TRAPPC9: variants seen among roughly 807,000 people sequenced by gnomAD.
TRAPPC9 encodes the protein trafficking protein particle complex subunit 9, also known as IKK2 binding protein.
In TRAPPC9, 83 loss-of-function variants were observed where a neutral mutation model predicts 124.0. That is an observed-to-expected ratio of 0.67 (90% CI 0.56 to 0.80). TRAPPC9 has a LOEUF of 0.80. TRAPPC9 is among the 30% of genes least tolerant of loss of function. The probability of loss-of-function intolerance (pLI) is 0.00; values close to 1 mark genes in which losing one functional copy is unlikely to be tolerated. For missense variants in TRAPPC9, 1,302 were observed against 1,508.3 expected, an observed-to-expected ratio of 0.86 and a Z score of 2.27; for synonymous variants, 638 against 617.5, an observed-to-expected ratio of 1.03 and a Z score of -0.49.
At chr8:140,061,064 T>C (rs564662631) in intron 17 of TRAPPC9, among the ~76,000 whole-genome samples, 4 of 152,366 alleles carry the variant, frequency 2.6e-5, no homozygotes, top group South Asian at 2.1e-4. Context: ...CAGTCTGACA[T>C]GGGGCCTGCA....
chr8:139,878,631 C>T (rs533527060), intron 21 of TRAPPC9, among the ~76,000 whole-genome samples: 38 of 152,296 alleles, frequency 2.5e-4, no homozygotes, highest in African/African-American at 8.7e-4. Context: ...AAAGACCTCA[C>T]GCCTGGCCCA....
intron 5 of TRAPPC9, among the ~76,000 whole-genome samples, chr8:140,420,752 G>C (rs992978931): frequency 1.3e-5 from 2 of 151,964 alleles, no homozygotes; most frequent in Admixed American, 1.3e-4. Flanking sequence ...TTATAAATAA[G>C]AGTATATTTA....
intron 16 of TRAPPC9, among the ~76,000 whole-genome samples, chr8:140,250,098 G>A (rs116126891): frequency 0.012 from 1,886 of 152,146 alleles, 26 homozygotes; most frequent in African/African-American, 0.042. Context: ...GATCATGCAC[G>A]GCATTTGATT....
chr8:139,998,166 A>T (rs1289947692), intron 18 of TRAPPC9, among the ~76,000 whole-genome samples: 1 of 152,256 alleles, frequency 6.6e-6, no homozygotes, highest in African/African-American at 2.4e-5. Context: ...AATCATTTTT[A>T]AAATGCTGAA....
At chr8:139,760,858 C>A (rs1452486855) in intron 21 of TRAPPC9, among the ~76,000 whole-genome samples, 2 of 152,236 alleles carry the variant, frequency 1.3e-5, no homozygotes, top group Non-Finnish European at 2.9e-5. Context: ...AGTCAACCAT[C>A]TCCCACCAGG....
At chr8:139,743,164 T>A (rs1818670078) in intron 21 of TRAPPC9, among the ~76,000 whole-genome samples, 4 of 152,178 alleles carry the variant, frequency 2.6e-5, no homozygotes, top group Non-Finnish European at 5.9e-5. Context: ...AGCGGAATGA[T>A]CTGTGGATTT....
At chr8:139,731,865 C>A in intron 22 of TRAPPC9, 114 bp downstream of exon 22, 1 of 991,488 alleles carries the variant, frequency 1.0e-6, no homozygotes, top group East Asian at 2.6e-5. Flanking sequence ...CACAGAACCC[C>A]TGCTGCTATC....
rs536767303 is a variant in TRAPPC9, at chr8:140,177,356, T to C, written c.2556+44103A>G. Among the ~76,000 whole-genome samples the C allele has an allele frequency of 5.1e-4, 78 of 152,306 alleles. 1 individual carries two copies. The highest frequency in any genetic ancestry group is 8.5e-4 in the Admixed American group (13 of 15,302). ...AGGGTCGGAGTTAATTTTTGGCATA[T>C]AAATAATTAGTTGTTCCAGCATCAC... On this transcript the variant is annotated intron_variant, in intron 17 of 22. Coordinates refer to ENST00000438773, the MANE Select transcript of TRAPPC9 (RefSeq NM_001160372.4).
At chr8:140,303,920 G>A (rs564249845) in intron 10 of TRAPPC9, among the ~76,000 whole-genome samples, 2 of 152,300 alleles carry the variant, frequency 1.3e-5, no homozygotes, top group Admixed American at 1.3e-4. Context: ...AAACCCAGCA[G>A]TAAATTCGTT....
intron 20 of TRAPPC9, among the ~76,000 whole-genome samples, chr8:139,898,398 T>C (rs1319662402): frequency 1.3e-5 from 2 of 152,162 alleles, no homozygotes; most frequent in African/African-American, 4.8e-5. Context: ...TGGTCACAAG[T>C]ACAAGTCAAC....
chr8:140,346,385 G>A (rs769600137), intron 9 of TRAPPC9, among the ~76,000 whole-genome samples: 4 of 152,108 alleles, frequency 2.6e-5, no homozygotes, highest in East Asian at 1.9e-4. Context: ...TAAAGGGAGC[G>A]GCTGCTCCTG....
chr8:140,029,434 G>A (rs1487739773), intron 17 of TRAPPC9, among the ~76,000 whole-genome samples: 2 of 152,168 alleles, frequency 1.3e-5, no homozygotes, highest in Non-Finnish European at 2.9e-5. Context: ...GAACCCGGGA[G>A]GTGGAGGTTG....
chr8:140,384,836 A>T (rs1051445508), intron 7 of TRAPPC9, among the ~76,000 whole-genome samples: 2 of 152,144 alleles, frequency 1.3e-5, no homozygotes, highest in African/African-American at 4.8e-5. Context: ...ACATCTACAG[A>T]ACTCTCCACC....
At chr8:139,739,807 A>T (rs1017222347) in intron 21 of TRAPPC9, among the ~76,000 whole-genome samples, 1 of 152,258 alleles carries the variant, frequency 6.6e-6, no homozygotes, top group Non-Finnish European at 1.5e-5. Flanking sequence ...CTCTAGGAAC[A>T]CTGGCACTTG....
At chr8:139,851,199 A>G (rs972928181) in intron 21 of TRAPPC9, among the ~76,000 whole-genome samples, 1 of 152,234 alleles carries the variant, frequency 6.6e-6, no homozygotes, top group Non-Finnish European at 1.5e-5. Context: ...GGTATGAACA[A>G]CGTACAATGG....
intron 19 of TRAPPC9, among the ~76,000 whole-genome samples, chr8:139,949,015 G>T (rs913764311): frequency 1.3e-5 from 2 of 152,092 alleles, no homozygotes; most frequent in African/African-American, 4.8e-5. Context: ...AGAGGTTGCC[G>T]TGAGCCAAGA....
chr8:139,810,967 T>G (rs906866983), intron 21 of TRAPPC9, among the ~76,000 whole-genome samples: 1 of 152,082 alleles, frequency 6.6e-6, no homozygotes, highest in Non-Finnish European at 1.5e-5. Context: ...TAGGGCCTCA[T>G]AGGAACAAAG....
chr8:139,812,173 C>A (rs1405821370), intron 21 of TRAPPC9, among the ~76,000 whole-genome samples: 3 of 152,000 alleles, frequency 2.0e-5, no homozygotes, highest in African/African-American at 7.2e-5. Context: ...GAAAAATTAG[C>A]GTCACAGAAA....
At chr8:139,873,442 C>T (rs1322179278) in intron 21 of TRAPPC9, among the ~76,000 whole-genome samples, 1 of 152,192 alleles carries the variant, frequency 6.6e-6, no homozygotes, top group Non-Finnish European at 1.5e-5. Flanking sequence ...CCTTCCCCCA[C>T]CCCTCCATCA....
Sources: gnomAD v4.1 joint callset for allele counts (sites outside exome capture counted in the v4.1 genomes callset) on GRCh38, gnomAD v4.1.1 for gene constraint, MANE v1.5 for transcripts, NCBI Gene and HGNC (gene_info 2026-07-23, HGNC 2026-07-21) for gene names.